RP1: variants seen among roughly 807,000 people sequenced by gnomAD.
RP1 encodes oxygen-regulated protein 1.
Under a neutral mutation model 14.8 loss-of-function variants are expected in RP1, and 16 were observed. The observed-to-expected ratio is 1.08, with a 90% CI of 0.73 to 1.65. RP1 has a LOEUF of 1.65. Ranked by LOEUF, RP1 falls within the 40% of genes most tolerant of loss-of-function variation. The probability of loss-of-function intolerance (pLI) is 0.00; values close to 1 mark genes in which losing one functional copy is unlikely to be tolerated. For missense variants in RP1, 2,631 were observed against 2,535.0 expected, an observed-to-expected ratio of 1.04 and a Z score of -0.81; for synonymous variants, 876 against 883.6, an observed-to-expected ratio of 0.99 and a Z score of 0.15.
intron 7 of RP1, among the ~76,000 whole-genome samples, chr8:54,664,861 G>A (rs922306539): frequency 6.6e-6 from 1 of 152,094 alleles, no homozygotes; most frequent in Non-Finnish European, 1.5e-5. Flanking sequence ...AGAGAAGGAG[G>A]CAAGGATTGA....
At position 54,606,722 on chromosome 8, in the gene RP1, C is replaced by A. The variant is rs567157508; in HGVS notation, c.-12-14233C>A. Among the ~76,000 whole-genome samples, 21 of 152,300 alleles carry A rather than the reference C, an allele frequency of 1.4e-4. No individual in the cohort carries two copies. The East Asian group carries it at 3.9e-3, about 28-fold the overall frequency. ...GGTCTTTTCACATAGTCCCATATTT[C>A]TTGGAGGCTTTGTTTGTTTCTTTTT... On this transcript the variant is annotated intron_variant, in intron 1 of 22. Coordinates refer to the RP1 transcript ENST00000636932.
chr8:54,847,930 C>A, intron 25 of RP1, among the ~76,000 whole-genome samples: 1 of 152,220 alleles, frequency 6.6e-6, no homozygotes, highest in South Asian at 2.1e-4. Context: ...CTCTTCCCTG[C>A]AGGTCTCCTC....
In RP1 at chr8:54,630,103, A is replaced by G. The variant is rs752345689; in HGVS notation, c.6221A>G (p.Asn2074Ser). Residue 2074 changes from asparagine (N) to serine (S), a missense_variant, in exon 4 of 4, where the codon AAC becomes AGC. Transcript: ENST00000220676. ...AVDENNNLLN[N>S]RFQGSRTNLN... ...GATGAGAATAACAACTTATTAAATA[A>G]CAGATTCCAGGGCTCAAGAACAAAT... 1 of 1,613,936 alleles carries G rather than the reference A, an allele frequency of 6.2e-7. No homozygotes were observed. The highest frequency in any genetic ancestry group is 1.1e-5 in the South Asian group (1 of 91,074).
chr8:54,785,286 T>C (rs2129381626), intron 24 of RP1, among the ~76,000 whole-genome samples: 1 of 152,272 alleles, frequency 6.6e-6, no homozygotes, highest in African/African-American at 2.4e-5. Flanking sequence ...TTTGTCTGAC[T>C]TGTTTTACGT....
chr8:54,854,630 C>T (rs576199768), intron 26 of RP1, among the ~76,000 whole-genome samples: 221 of 152,136 alleles, frequency 1.5e-3, no homozygotes, highest in African/African-American at 5.2e-3. Flanking sequence ...TTTGGGAGGC[C>T]GAGGTGGGTG....
exon 25 of RP1, chr8:54,837,601 A>C: frequency 8.1e-7 from 1 of 1,232,076 alleles, no homozygotes; most frequent in Non-Finnish European, 1.0e-6. Context: ...TGGATAGCTG[A>C]GAATGAAAAT....
intron 7 of RP1, among the ~76,000 whole-genome samples, chr8:54,666,245 A>G (rs1807015067): frequency 6.6e-6 from 1 of 152,178 alleles, no homozygotes; most frequent in Non-Finnish European, 1.5e-5. Flanking sequence ...CTGGCTAAGT[A>G]GAAGCTCAAC....
exon 14 of RP1, chr8:54,701,554 G>T (rs998322757): frequency 5.9e-6 from 9 of 1,535,640 alleles, no homozygotes; most frequent in African/African-American, 2.7e-5. Flanking sequence ...TTCTTGAGTC[G>T]GCACTGGTTC....
intron 1 of RP1, among the ~76,000 whole-genome samples, chr8:54,564,975 C>A (rs1804369229): frequency 6.6e-6 from 1 of 152,170 alleles, no homozygotes; most frequent in Admixed American, 6.5e-5. Context: ...AGGCTGGTCT[C>A]AAACTGCTGG....
chr8:54,813,361 G>C (rs1313494396), intron 24 of RP1, among the ~76,000 whole-genome samples: 3 of 152,196 alleles, frequency 2.0e-5, no homozygotes, highest in Non-Finnish European at 4.4e-5. Context: ...ACCCAGGGAT[G>C]CACCTCCTCA....
At chr8:54,748,787 C>T (rs766065755) in intron 19 of RP1, among the ~76,000 whole-genome samples, 2 of 152,140 alleles carry the variant, frequency 1.3e-5, no homozygotes, top group Middle Eastern at 6.8e-3. Context: ...GACTATTTGC[C>T]TTTATTTTTT....
chr8:54,817,350 G>A (rs936485123), intron 24 of RP1, among the ~76,000 whole-genome samples: 2 of 152,148 alleles, frequency 1.3e-5, no homozygotes, highest in Non-Finnish European at 2.9e-5. Context: ...TGCTTTTGGA[G>A]GAGATGGGAT....
At chr8:54,584,885 T>G (rs1018112633) in intron 1 of RP1, among the ~76,000 whole-genome samples, 24 of 152,212 alleles carry the variant, frequency 1.6e-4, no homozygotes, top group Admixed American at 5.9e-4. Context: ...ATTTTGAGCC[T>G]ATGTGTGTCT....
intron 18 of RP1, among the ~76,000 whole-genome samples, chr8:54,738,347 C>A (rs1292838423): frequency 6.6e-6 from 1 of 152,178 alleles, no homozygotes; most frequent in Non-Finnish European, 1.5e-5. Flanking sequence ...CAGTTCTCCA[C>A]AATGCTACCT....
intron 21 of RP1, among the ~76,000 whole-genome samples, chr8:54,758,228 A>G (rs1480949858): frequency 6.6e-6 from 1 of 152,138 alleles, no homozygotes; most frequent in Non-Finnish European, 1.5e-5. Context: ...CTCGACAACA[A>G]TCTACGAGAA....
rs566119104 is a variant in RP1, at chr8:54,805,418, A to C, written c.3615+21708A>C. 7.2e-5 allele frequency among the ~76,000 whole-genome samples: 11 copies of C among 152,292 alleles called. No individual in the cohort carries two copies. In the South Asian group the frequency reaches 2.3e-3, roughly 32 times the overall value. ...CACAGTAAATAAAATTTGTGCTCTC[A>C]ACTTGTCCACAGAAATAGATACCAC... On this transcript the variant is annotated intron_variant, in intron 24 of 28. Transcript: ENST00000637698.
chr8:54,758,919 C>T (rs1426121916), intron 21 of RP1: 1 of 1,535,292 alleles, frequency 6.5e-7, no homozygotes, highest in Admixed American at 2.0e-5. Context: ...TCTCCTGCAC[C>T]AGATTGATAA....
At chr8:54,763,938 G>C (rs1035069948) in intron 22 of RP1, among the ~76,000 whole-genome samples, 1 of 152,026 alleles carries the variant, frequency 6.6e-6, no homozygotes, top group Non-Finnish European at 1.5e-5. Flanking sequence ...GAAAGGTTGA[G>C]ATTATCTCCT....
upstream of RP1, among the ~76,000 whole-genome samples, chr8:54,614,080 A>T (rs1805657969): frequency 6.6e-6 from 1 of 152,258 alleles, no homozygotes; most frequent in Non-Finnish European, 1.5e-5. Flanking sequence ...CCTATAAAGC[A>T]GGTACTTTTC....
Sources: allele counts gnomAD v4.1 joint callset (sites outside exome capture counted in the v4.1 genomes callset), GRCh38; gene constraint gnomAD v4.1.1; transcripts MANE v1.5; gene names NCBI Gene and HGNC (gene_info 2026-07-23, HGNC 2026-07-21).